SLCO3A1: variants seen among roughly 807,000 people sequenced by gnomAD.
The protein encoded by SLCO3A1 is PGE1 transporter.
A neutral mutation model predicts 63.1 loss-of-function variants in SLCO3A1; 27 were observed. That is an observed-to-expected ratio of 0.43 (90% CI 0.32 to 0.59). SLCO3A1 has a LOEUF of 0.59. Among genes scored for constraint, SLCO3A1 ranks in the 20% least tolerant of loss-of-function variants. The pLI is 0.09. For synonymous variants in SLCO3A1, 473 were observed against 409.9 expected (o/e 1.15, Z -1.86); for missense variants, 773 against 945.8 (o/e 0.82, Z 2.40).
chr15:92,059,312 G>A (rs2047058332), intron 2 of SLCO3A1, among the ~76,000 whole-genome samples: 1 of 152,202 alleles, frequency 6.6e-6, no homozygotes, highest in African/African-American at 2.4e-5. Context: ...TGGCTGGGCT[G>A]GTTTAGCTTT....
At chr15:92,114,743 C>T (rs1842749951) in intron 4 of SLCO3A1, among the ~76,000 whole-genome samples, 1 of 152,152 alleles carries the variant, frequency 6.6e-6, no homozygotes, top group African/African-American at 2.4e-5. Context: ...CTCCTCATGG[C>T]AACTCAACAT....
At chr15:91,988,316 G>C (rs1260678239) in intron 2 of SLCO3A1, among the ~76,000 whole-genome samples, 1 of 152,108 alleles carries the variant, frequency 6.6e-6, no homozygotes, top group African/African-American at 2.4e-5. Flanking sequence ...ACTCCAGCCT[G>C]GGTGACAGAG....
intron 2 of SLCO3A1, among the ~76,000 whole-genome samples, chr15:91,920,598 G>A (rs933799275): frequency 1.3e-5 from 2 of 152,204 alleles, no homozygotes; most frequent in Non-Finnish European, 2.9e-5. Context: ...TGGGGCAGGA[G>A]CAACTGATCT....
chr15:92,172,263 A>C, exon 11 of SLCO3A1: 1 of 173,906 alleles, frequency 5.8e-6, no homozygotes, highest in Non-Finnish European at 1.2e-5. Context: ...GTAAAAACCA[A>C]CCTGTTGCAT....
At chr15:92,118,306 A>G (rs574634859) in intron 4 of SLCO3A1, among the ~76,000 whole-genome samples, 9 of 152,372 alleles carry the variant, frequency 5.9e-5, no homozygotes, top group African/African-American at 1.7e-4. Context: ...TCATCTGGTT[A>G]TAACACAGGA....
rs1898675945 is a variant in SLCO3A1, at chr15:91,916,747, C to G, written c.646+289C>G. Among the ~76,000 whole-genome samples the G allele has an allele frequency of 6.6e-6, 1 of 152,182 alleles. No homozygotes were observed. The highest frequency in any genetic ancestry group is 2.4e-5 in the African/African-American group (1 of 41,444). On this transcript the variant is annotated intron_variant, in intron 2 of 9. Coordinates refer to ENST00000318445, the MANE Select transcript of SLCO3A1 (RefSeq NM_013272.4). The surrounding 1 kb of genome is among the most constrained non-coding windows in gnomAD (Gnocchi z 6.2). Reference sequence around the variant, plus strand: ...GGGAGGAGTTGTATGTTTATCTCTTCTTTTTGAGTGCGTATGTGGACTTTG... The same window carrying G: ...GGGAGGAGTTGTATGTTTATCTCTTGTTTTTGAGTGCGTATGTGGACTTTG...
At chr15:91,969,390 C>T (rs1450652583) in intron 2 of SLCO3A1, among the ~76,000 whole-genome samples, 2 of 151,846 alleles carry the variant, frequency 1.3e-5, no homozygotes, top group Non-Finnish European at 2.9e-5. Flanking sequence ...ACTGCAACCT[C>T]CACCTCCTAG....
At chr15:92,170,448 G>C (rs1260404882), downstream of SLCO3A1, among the ~76,000 whole-genome samples, 1 of 152,164 alleles carries the variant, frequency 6.6e-6, no homozygotes, top group Non-Finnish European at 1.5e-5. Flanking sequence ...CCACTTCACA[G>C]GTCTGAAAAC....
chr15:91,978,573 CT>C (rs200849123), intron 2 of SLCO3A1, among the ~76,000 whole-genome samples: 2,553 of 152,282 alleles, frequency 0.017, 38 homozygotes, highest in Non-Finnish European at 0.025. Context: ...AAATGTGTTA[CT>C]TTTTTCCCCC....
In SLCO3A1 at chr15:92,147,663, G is replaced by A. The variant is rs2048246248; in HGVS notation, c.1688+504G>A. Among the ~76,000 whole-genome samples, 3 of 152,172 alleles carry A rather than the reference G, an allele frequency of 2.0e-5. No homozygotes were observed. In the South Asian group the frequency reaches 6.2e-4, roughly 32 times the overall value. ...ACATAGAGACTTGACGGGTTATTGT[G>A]CAGCAGGGCTCACGGCAGGTGAGCA... On this transcript the variant is annotated intron_variant, in intron 8 of 9. Transcript: ENST00000318445.
intron 2 of SLCO3A1, among the ~76,000 whole-genome samples, chr15:91,921,491 G>T (rs1469987744): frequency 1.3e-5 from 2 of 152,056 alleles, no homozygotes; most frequent in Admixed American, 1.3e-4. Context: ...AAAGTTTTCG[G>T]TAAGGAGCTG....
intron 5 of SLCO3A1, among the ~76,000 whole-genome samples, chr15:92,123,157 G>A (rs1476949533): frequency 2.0e-5 from 3 of 152,196 alleles, no homozygotes; most frequent in Non-Finnish European, 4.4e-5. Context: ...AGGCGTGGTG[G>A]CTCACACCTG....
At chr15:92,042,672 A>G (rs2046814024) in intron 2 of SLCO3A1, among the ~76,000 whole-genome samples, 1 of 152,130 alleles carries the variant, frequency 6.6e-6, no homozygotes. Flanking sequence ...ATGTGCCTCA[A>G]AGAGTGGGTA....
intron 4 of SLCO3A1, among the ~76,000 whole-genome samples, chr15:92,107,253 C>G (rs1399610794): frequency 6.6e-6 from 1 of 152,196 alleles, no homozygotes. Flanking sequence ...AAAAGGATGT[C>G]TCAACAGGAA....
chr15:92,122,934 G>C (rs1030425200), intron 5 of SLCO3A1, among the ~76,000 whole-genome samples: 1 of 152,192 alleles, frequency 6.6e-6, no homozygotes, highest in Non-Finnish European at 1.5e-5. Context: ...ATAGTTAATT[G>C]AGGTGACAGA....
chr15:92,068,235 A>G lies in SLCO3A1; in HGVS notation c.647-26646A>G, dbSNP rs151024471. 1.5e-3 allele frequency among the ~76,000 whole-genome samples: 223 copies of G among 152,334 alleles called. 1 individual carries two copies. Among genetic ancestry groups the G allele is most frequent in the African/African-American group, 5.0e-3 (209 of 41,572 alleles). On this transcript the variant is annotated intron_variant, in intron 2 of 9. Coordinates refer to ENST00000318445, the MANE Select transcript of SLCO3A1 (RefSeq NM_013272.4). The stretch of plus-strand genomic sequence containing the variant: ...TTCATAATTAGCATGTTTTGAAGGA[A>G]AACTTAGCTGTGATAGAGTTAGAAA...
At chr15:92,046,552 T>G (rs149628008) in intron 2 of SLCO3A1, among the ~76,000 whole-genome samples, 23 of 152,118 alleles carry the variant, frequency 1.5e-4, no homozygotes, top group African/African-American at 5.1e-4. Context: ...AGTATTTTCT[T>G]TATAATATAG....
At chr15:92,014,113 A>T (rs547221796) in intron 2 of SLCO3A1, among the ~76,000 whole-genome samples, 1 of 151,836 alleles carries the variant, frequency 6.6e-6, no homozygotes, top group Non-Finnish European at 1.5e-5. Flanking sequence ...ACCTGAGCCC[A>T]TTTTCCTTTG....
intron 2 of SLCO3A1, among the ~76,000 whole-genome samples, chr15:92,035,095 C>T (rs2046708080): frequency 6.6e-6 from 1 of 151,776 alleles, no homozygotes; most frequent in South Asian, 2.1e-4. Flanking sequence ...GGTTTTTGAA[C>T]TGTGGGTAGT....
Sources: gnomAD v4.1 joint callset for allele counts (sites outside exome capture counted in the v4.1 genomes callset) on GRCh38, gnomAD v4.1.1 for gene constraint, Gnocchi (gnomAD v3.1) non-coding constraint, MANE v1.5 for transcripts, NCBI Gene and HGNC (gene_info 2026-07-23, HGNC 2026-07-21) for gene names.